The following GRIP1 variants were observed in gnomAD, a reference collection of about 807,000 sequenced individuals.
GRIP1 encodes glutamate receptor interacting protein 1.
In GRIP1, 45 loss-of-function variants were observed where a neutral mutation model predicts 129.9. The observed-to-expected ratio is 0.35, with a 90% CI of 0.27 to 0.44. The LOEUF (loss-of-function observed/expected upper bound fraction) is 0.44. GRIP1 is among the 20% of genes least tolerant of loss of function. The pLI is 1.00. For missense variants in GRIP1, 1,196 were observed against 1,396.8 expected, an observed-to-expected ratio of 0.86 and a Z score of 2.29; for synonymous variants, 530 against 520.8, an observed-to-expected ratio of 1.02 and a Z score of -0.24.
At chr12:66,583,205 T>C (rs1272247645) in intron 2 of GRIP1, among the ~76,000 whole-genome samples, 2 of 150,916 alleles carry the variant, frequency 1.3e-5, no homozygotes, top group Non-Finnish European at 3.0e-5. Flanking sequence ...GCTAGCCATA[T>C]GTAGAAAGCT....
At chr12:66,750,800 A>C (rs150974971) in intron 1 of GRIP1, among the ~76,000 whole-genome samples, 460 of 152,348 alleles carry the variant, frequency 3.0e-3, no homozygotes, top group African/African-American at 0.01. Flanking sequence ...ATAGAGTTTC[A>C]TAAAATAAGC....
intron 2 of GRIP1, among the ~76,000 whole-genome samples, chr12:66,578,052 T>C (rs1444380585): frequency 6.6e-6 from 1 of 152,074 alleles, no homozygotes. Flanking sequence ...AGGAAAACAA[T>C]TGCAGAGCAA....
At chr12:66,609,075 T>C (rs548266892) in intron 1 of GRIP1, among the ~76,000 whole-genome samples, 1 of 152,066 alleles carries the variant, frequency 6.6e-6, no homozygotes, top group African/African-American at 2.4e-5. Context: ...TCATGGGTAT[T>C]ATTACCTCAA....
At chr12:66,594,726 C>T (rs766471242) in intron 2 of GRIP1, among the ~76,000 whole-genome samples, 1 of 152,168 alleles carries the variant, frequency 6.6e-6, no homozygotes, top group Non-Finnish European at 1.5e-5. Context: ...GCCTTTTCCT[C>T]TGTGCATTTT....
intron 1 of GRIP1, among the ~76,000 whole-genome samples, chr12:66,615,612 G>A (rs1436753705): frequency 6.6e-6 from 1 of 152,150 alleles, no homozygotes; most frequent in African/African-American, 2.4e-5. Flanking sequence ...ATACACTAGT[G>A]TTCCTAATAA....
At chr12:66,559,280 A>C (rs1000667801) in intron 2 of GRIP1, among the ~76,000 whole-genome samples, 1 of 152,206 alleles carries the variant, frequency 6.6e-6, no homozygotes, top group Non-Finnish European at 1.5e-5. Context: ...GGAACTTAGA[A>C]AGATGCTCAG....
At chr12:66,766,205 CTGAAGCTCCAGGTCT>C (rs886139374) in intron 1 of GRIP1, among the ~76,000 whole-genome samples, 1 of 152,186 alleles carries the variant, frequency 6.6e-6, no homozygotes, top group Non-Finnish European at 1.5e-5. Flanking sequence ...AATCAAAGGG[CTGAAGCTCCAGGTCT>C]TGAATTTCAT....
chr12:66,592,678 T>C (rs758685440), intron 2 of GRIP1, among the ~76,000 whole-genome samples: 1 of 152,200 alleles, frequency 6.6e-6, no homozygotes, highest in South Asian at 2.1e-4. Flanking sequence ...AGGTCAAGTG[T>C]AGTATCCTGT....
chr12:66,402,939 GT>G (rs1565703667), intron 16 of GRIP1, among the ~76,000 whole-genome samples: 1 of 152,164 alleles, frequency 6.6e-6, no homozygotes, highest in Non-Finnish European at 1.5e-5. Context: ...AATACAGATA[GT>G]CCCCACTTAT....
At chr12:66,922,472 T>A (rs2041229144) in intron 1 of GRIP1, among the ~76,000 whole-genome samples, 1 of 152,218 alleles carries the variant, frequency 6.6e-6, no homozygotes, top group African/African-American at 2.4e-5. Context: ...TTTCCAAATG[T>A]TGGATGTACA....
At chr12:66,631,861 A>G (rs1440175702) in intron 1 of GRIP1, among the ~76,000 whole-genome samples, 9 of 152,206 alleles carry the variant, frequency 5.9e-5, no homozygotes, top group Admixed American at 5.9e-4. Flanking sequence ...TGTGCCAAGG[A>G]CTGGCTGCAT....
At chr12:66,568,631 T>C (rs776814280) in intron 2 of GRIP1, 4 of 189,566 alleles carry the variant, frequency 2.1e-5, no homozygotes, top group Admixed American at 6.0e-5. Flanking sequence ...TTCAGAAGAA[T>C]CTATTAAGTG....
upstream of GRIP1, among the ~76,000 whole-genome samples, chr12:66,807,490 G>A (rs1290819348): frequency 3.3e-5 from 5 of 152,058 alleles, no homozygotes; most frequent in Admixed American, 6.5e-5. Flanking sequence ...TGGCTAACAC[G>A]GTGAAACCCT....
intron 2 of GRIP1, among the ~76,000 whole-genome samples, chr12:66,586,176 T>C (rs1158665790): frequency 1.3e-5 from 2 of 152,156 alleles, no homozygotes; most frequent in Non-Finnish European, 2.9e-5. Flanking sequence ...CCTCCACCCA[T>C]TCAAATGAGG....
intron 1 of GRIP1, among the ~76,000 whole-genome samples, chr12:66,617,787 T>TTTTGAAGTTG (rs1330469120): frequency 1.5e-5 from 2 of 132,746 alleles, no homozygotes; most frequent in African/African-American, 5.5e-5. Flanking sequence ...TCAACTTCAC[T>TTTTGAAGTTG]CATAAGAAAT....
intron 2 of GRIP1, among the ~76,000 whole-genome samples, chr12:66,592,113 T>C (rs1286110506): frequency 1.3e-5 from 2 of 152,128 alleles, no homozygotes; most frequent in East Asian, 3.9e-4. Flanking sequence ...CTGGAAACAT[T>C]TGGAACAGAG....
chr12:66,446,420 A>G (rs1326396152), intron 11 of GRIP1, among the ~76,000 whole-genome samples: 1 of 151,482 alleles, frequency 6.6e-6, no homozygotes, highest in Admixed American at 6.6e-5. Context: ...GCCCCCTTTA[A>G]CTAAAACCTG....
intron 1 of GRIP1, among the ~76,000 whole-genome samples, chr12:66,768,656 T>C (rs1200405760): frequency 6.6e-6 from 1 of 152,220 alleles, no homozygotes; most frequent in Non-Finnish European, 1.5e-5. Flanking sequence ...AGTGTAAGGA[T>C]ATACTATGTA....
intron 2 of GRIP1, among the ~76,000 whole-genome samples, chr12:66,596,316 A>G (rs1170214646): frequency 6.6e-6 from 1 of 152,210 alleles, no homozygotes; most frequent in Non-Finnish European, 1.5e-5. Context: ...GTTTTGTTGG[A>G]AAGACATATA....
Sources: allele counts gnomAD v4.1 joint callset (sites outside exome capture counted in the v4.1 genomes callset), GRCh38; gene constraint gnomAD v4.1.1; transcripts MANE v1.5; gene names NCBI Gene and HGNC (gene_info 2026-07-23, HGNC 2026-07-21).